LAP3: variants seen among roughly 807,000 people sequenced by gnomAD.
The protein encoded by LAP3 is cytosol aminopeptidase.
In LAP3, 46 loss-of-function variants were observed where a neutral mutation model predicts 58.8. The ratio of observed to expected loss-of-function variants is 0.78; its 90% CI spans 0.62 to 1.00. The LOEUF (loss-of-function observed/expected upper bound fraction) is 1.00, where lower values mean the gene tolerates loss of function less well. Ranked by LOEUF, LAP3 falls within the 50% of genes least tolerant of loss-of-function variation. The pLI is 0.00. For missense variants in LAP3, 615 were observed against 659.1 expected (o/e 0.93, Z 0.73); for synonymous variants, 257 against 237.7 (o/e 1.08, Z -0.75).
chr4:17,602,831 T>G (rs150669520), intron 10 of LAP3, among the ~76,000 whole-genome samples: 2,533 of 151,980 alleles, frequency 0.017, 84 homozygotes, highest in African/African-American at 0.058. Flanking sequence ...ATTACAGGCA[T>G]GCGCCACCAC....
At position 17,577,306 on chromosome 4, in the gene LAP3, G is replaced by A. The variant is rs550584552; in HGVS notation, c.-160G>A. 2.1e-5 allele frequency: 7 copies of A among 329,728 alleles called. 1 individual carries two copies. The East Asian group carries it at 5.4e-4, about 26-fold the overall frequency. The allele number at this position is 329,728 out of a possible 1,614,324, so 20.4% of individuals were successfully genotyped here. ...CCCAGCGGTCCAGTCGGCCGGTGCT[G>A]CCCATCCGTCCCGCCCCCTAGACGC... On this transcript the variant is annotated 5_prime_UTR_variant, in exon 1 of 13. Transcript: ENST00000226299.
chr4:17,593,440 C>T (rs1713748587), intron 7 of LAP3, among the ~76,000 whole-genome samples: 1 of 152,002 alleles, frequency 6.6e-6, no homozygotes, highest in Non-Finnish European at 1.5e-5. Flanking sequence ...AGGTCTGCCT[C>T]TGGGCTCTGT....
At chr4:17,584,178 C>T (rs754954228) in intron 5 of LAP3, among the ~76,000 whole-genome samples, 20 of 152,226 alleles carry the variant, frequency 1.3e-4, no homozygotes, top group Non-Finnish European at 2.9e-4. Context: ...GGGGAGAGTG[C>T]GGGCTCTGCA....
intron 2 of LAP3, among the ~76,000 whole-genome samples, chr4:17,580,963 C>G (rs1039138355): frequency 6.6e-6 from 1 of 152,216 alleles, no homozygotes; most frequent in Non-Finnish European, 1.5e-5. Context: ...TGTATCTCCT[C>G]TCAATTTTTT....
intron 1 of LAP3, among the ~76,000 whole-genome samples, 165 bp downstream of exon 1, chr4:17,577,732 G>A (rs931479120): frequency 6.6e-6 from 1 of 152,202 alleles, no homozygotes; most frequent in Non-Finnish European, 1.5e-5. Context: ...CTAGGCCGCT[G>A]AGGACCCCAG....
chr4:17,582,904 A>T (rs978999906), intron 4 of LAP3, among the ~76,000 whole-genome samples: 1 of 152,244 alleles, frequency 6.6e-6, no homozygotes, highest in South Asian at 2.1e-4. Context: ...GCCATGATTA[A>T]AGATGCTTTG....
At chr4:17,592,743 A>T (rs1713719262) in intron 7 of LAP3, among the ~76,000 whole-genome samples, 1 of 152,232 alleles carries the variant, frequency 6.6e-6, no homozygotes, top group Non-Finnish European at 1.5e-5. Context: ...TTCTAGCTGT[A>T]CCAGTGAGTA....
rs1202242820 is a variant in LAP3 at position 17,606,818 on chromosome 4, C to T, written c.1261-11C>T. 2.3e-5 allele frequency: 36 copies of T among 1,595,746 alleles called. No individual in the cohort carries two copies. The highest frequency in any genetic ancestry group is 2.9e-5 in the Non-Finnish European group (34 of 1,167,242). ...TCATCCACTCTTCCACCTGTCATAC[C>T]TGTTCTCTAGGCCAGCATTGAAACA... On this transcript the variant is annotated splice_polypyrimidine_tract_variant and intron_variant, in intron 11 of 12. Transcript: ENST00000226299.
intron 6 of LAP3, chr4:17,585,389 A>C: frequency 3.7e-6 from 1 of 271,680 alleles, no homozygotes; most frequent in South Asian, 6.1e-5. Flanking sequence ...TTCAGACACA[A>C]TTAACATGCC....
intron 7 of LAP3, among the ~76,000 whole-genome samples, chr4:17,591,201 C>G (rs940833711): frequency 2.0e-5 from 3 of 151,992 alleles, no homozygotes; most frequent in Admixed American, 2.0e-4. Flanking sequence ...CTGAGCCTCC[C>G]GAGTAGCTGG....
intron 10 of LAP3, among the ~76,000 whole-genome samples, chr4:17,601,008 G>A (rs1448420303): frequency 6.6e-6 from 1 of 152,198 alleles, no homozygotes; most frequent in Admixed American, 6.5e-5. Context: ...GCCTTTGAAA[G>A]GCAGGCCGTA....
intron 10 of LAP3, among the ~76,000 whole-genome samples, chr4:17,601,858 C>T (rs116344290): frequency 4.4e-4 from 67 of 152,246 alleles, no homozygotes; most frequent in African/African-American, 1.6e-3. Context: ...TTTCTGTTGA[C>T]TCCATAGTCA....
At chr4:17,582,042 A>C (rs920377943) in intron 3 of LAP3, 74 of 596,086 alleles carry the variant, frequency 1.2e-4, no homozygotes, top group Middle Eastern at 8.7e-4. Flanking sequence ...TCTGGCTTAC[A>C]CAGAATTATT....
At chr4:17,594,072 C>G (rs1713769868) in intron 7 of LAP3, among the ~76,000 whole-genome samples, 1 of 152,074 alleles carries the variant, frequency 6.6e-6, no homozygotes, top group African/African-American at 2.4e-5. Flanking sequence ...ATCCAAATGA[C>G]AGAGGGTAGT....
Position 17,604,635 on chromosome 4 carries a change from A to T in LAP3, c.1228A>T (p.Asn410Tyr), listed in dbSNP as rs762137285. Residue 410 changes from asparagine (N) to tyrosine (Y), a missense_variant, in exon 11 of 13, where the codon AAT becomes TAT. Transcript: ENST00000226299. ...LGSGATGVFT[N>Y]SSWLWNKLFE... is the part of the protein sequence containing the mutation. ...ATCAGGTGCCACTGGGGTCTTTACC[A>T]ATTCATCCTGGCTCTGGAACAAACT... 3 of 1,613,766 alleles carry T rather than the reference A, an allele frequency of 1.9e-6. No individual in the cohort carries two copies. Among genetic ancestry groups the T allele is most frequent in the Non-Finnish European group, 1.7e-6 (2 of 1,179,770 alleles).
At chr4:17,580,945 A>G (rs1560341088) in intron 2 of LAP3, among the ~76,000 whole-genome samples, 1 of 152,238 alleles carries the variant, frequency 6.6e-6, no homozygotes, top group African/African-American at 2.4e-5. Context: ...TAATCGGTTA[A>G]GAGAATTTGT....
Position 17,607,399 on chromosome 4 carries a change from G to T in LAP3, c.1371-1G>T, listed in dbSNP as rs753497795. 5 of 1,609,164 alleles carry T rather than the reference G, an allele frequency of 3.1e-6. No homozygotes were observed. Among genetic ancestry groups the T allele is most frequent in the South Asian group, 1.1e-5 (1 of 90,158 alleles). ...AAAGTGCTTTTTGTCTTTCTCTTCA[G>T]ATCTGCAGGAGCATGTACAGCTGCA... On this transcript the variant is annotated splice_acceptor_variant, in intron 12 of 12. Coordinates refer to ENST00000226299, the MANE Select transcript of LAP3 (RefSeq NM_015907.3). LOFTEE classifies it high-confidence loss of function.
intron 11 of LAP3, among the ~76,000 whole-genome samples, chr4:17,605,273 C>A (rs1300001666): frequency 6.6e-6 from 1 of 152,234 alleles, no homozygotes; most frequent in African/African-American, 2.4e-5. Context: ...ATAATCCTTT[C>A]TTGGGCTGCC....
chr4:17,582,523 A>G (rs908129890), intron 4 of LAP3, 130 bp downstream of exon 4: 1 of 676,720 alleles, frequency 1.5e-6, no homozygotes, highest in African/African-American at 1.8e-5. Flanking sequence ...CATCTTAACA[A>G]AAATTCAGTT....
Sources: gnomAD v4.1 joint callset for allele counts (sites outside exome capture counted in the v4.1 genomes callset) on GRCh38, gnomAD v4.1.1 for gene constraint, MANE v1.5 for transcripts, NCBI Gene and HGNC (gene_info 2026-07-23, HGNC 2026-07-21) for gene names.